Variants in KAT14 observed in about 807,000 individuals in gnomAD.
KAT14 encodes the protein cysteine-rich protein 2-binding protein.
KAT14 carries 66 observed loss-of-function variants against 78.4 expected under a neutral mutation model. The observed-to-expected ratio is 0.84, with a 90% CI of 0.69 to 1.03. KAT14 has a LOEUF of 1.03. Among genes scored for constraint, KAT14 ranks in the 50% least tolerant of loss-of-function variants. KAT14 has a pLI of 0.00. For synonymous variants in KAT14, 344 were observed against 359.4 expected (o/e 0.96, Z 0.48); for missense variants, 870 against 972.5 (o/e 0.89, Z 1.40).
At position 18,142,884 on chromosome 20, in the gene KAT14, A is replaced by C. The variant is rs1158486164; in HGVS notation, c.224A>C (p.Tyr75Ser). 2 of 1,614,178 alleles carry C rather than the reference A, an allele frequency of 1.2e-6. No individual in the cohort carries two copies. The highest frequency in any genetic ancestry group is 3.3e-5 in the Admixed American group (2 of 60,018). Residue 75 changes from tyrosine to serine, a missense_variant, in exon 2 of 11, where the codon TAC (tyrosine) becomes TCC (serine). Transcript: ENST00000688188. The part of the protein sequence containing the change: ...DVSWMEEQLS[Y>S]FCDKCQKWIP... ...TCTTGGATGGAGGAGCAGCTGTCCT[A>C]CTTCTGTGACAAGTGCCAAAAATGG...
chr20:18,140,851 CAAAA>C (rs371306768), intron 1 of KAT14, among the ~76,000 whole-genome samples: 1 of 126,554 alleles, frequency 7.9e-6, no homozygotes. Flanking sequence ...TAAAACAAAA[CAAAA>C]AAAACCCTAT....
intron 7 of KAT14, among the ~76,000 whole-genome samples, chr20:18,179,046 G>A (rs760047357): frequency 7.9e-5 from 12 of 152,108 alleles, no homozygotes; most frequent in Non-Finnish European, 1.3e-4. Flanking sequence ...ATTCCAGCAG[G>A]GCAAATTCTA....
intron 10 of KAT14, among the ~76,000 whole-genome samples, chr20:18,186,251 C>T (rs2039448335): frequency 6.6e-6 from 1 of 152,160 alleles, no homozygotes; most frequent in African/African-American, 2.4e-5. Flanking sequence ...GACCATACCC[C>T]TGAGGGCCCA....
rs778165809 is a variant in KAT14, at chr20:18,142,902, A to G, written c.242A>G (p.Gln81Arg). 2 of 1,613,950 alleles carry G rather than the reference A, an allele frequency of 1.2e-6. No individual in the cohort carries two copies. The highest frequency in any genetic ancestry group is 2.2e-5 in the South Asian group (2 of 91,070). The change falls in exon 2 of 11, where the codon CAA becomes CGA. Residue 81 changes from glutamine (Q) to arginine (R), a missense_variant. Coordinates refer to ENST00000688188, the MANE Select transcript of KAT14 (RefSeq NM_001392073.1). Reference sequence around the variant, plus strand: ...CTGTCCTACTTCTGTGACAAGTGCCAAAAATGGATACCAGCCAGTAAGGAG... The same window carrying G: ...CTGTCCTACTTCTGTGACAAGTGCCGAAAATGGATACCAGCCAGTAAGGAG... ...EQLSYFCDKC[Q>R]KWIPASQLRE... is the part of the protein sequence containing the mutation.
intron 7 of KAT14, among the ~76,000 whole-genome samples, chr20:18,166,368 A>C (rs1027720115): frequency 6.6e-6 from 1 of 152,192 alleles, no homozygotes; most frequent in Admixed American, 6.5e-5. Flanking sequence ...AGTTGCTTAC[A>C]AAAGGTTTAA....
chr20:18,173,360 T>C (rs944012049), intron 7 of KAT14, among the ~76,000 whole-genome samples: 13 of 152,214 alleles, frequency 8.5e-5, no homozygotes, highest in African/African-American at 3.1e-4. Flanking sequence ...TCTCTTTCTC[T>C]CCAAATTTGA....
intron 7 of KAT14, among the ~76,000 whole-genome samples, chr20:18,172,588 A>C (rs964407619): frequency 5.9e-5 from 9 of 152,064 alleles, no homozygotes; most frequent in African/African-American, 2.2e-4. Flanking sequence ...TTTTATATGC[A>C]CTGGGACACC....
chr20:18,161,817 TAGC>T lies in KAT14; in HGVS notation c.683-2_683del. On this transcript the variant is annotated splice_polypyrimidine_tract_variant and splice_region_variant and intron_variant, in intron 5 of 10. Transcript: ENST00000688188. ...TACTCAGCCTGTATTTATTCTTTCTTAGCAGCCTCAAAACCAACTTTAGATCCC... is the reference window on the plus strand; with the variant it reads ...TACTCAGCCTGTATTTATTCTTTCTTAGCCTCAAAACCAACTTTAGATCCC... 2 of 1,610,122 alleles carry T rather than the reference TAGC, an allele frequency of 1.2e-6. No homozygotes were observed. The highest frequency in any genetic ancestry group is 1.7e-6 in the Non-Finnish European group (2 of 1,178,558).
In KAT14 at chr20:18,162,165, A is replaced by G; in HGVS notation, c.1025A>G (p.His342Arg). The G allele has an allele frequency of 1.2e-6, 2 of 1,614,154 alleles. No individual in the cohort carries two copies. Among genetic ancestry groups the G allele is most frequent in the Non-Finnish European group, 1.7e-6 (2 of 1,180,034 alleles). ...DFSAPGTPAS[H>R]SATPSLLSEA... is the part of the protein sequence containing the mutation. The stretch of plus-strand genomic sequence containing the variant: ...TCTGCCCCTGGTACACCTGCCTCTC[A>G]TTCTGCCACACCTAGCTTGCTTTCA... The change falls in exon 6 of 11, where the codon CAT becomes CGT. Residue 342 changes from histidine to arginine, a missense_variant. Transcript: ENST00000688188.
intron 7 of KAT14, among the ~76,000 whole-genome samples, chr20:18,173,594 A>G (rs1192364291): frequency 3.4e-5 from 5 of 147,330 alleles, no homozygotes; most frequent in Non-Finnish European, 7.5e-5. Context: ...CCTCTTCTGC[A>G]CTCTGAATAT....
intron 3 of KAT14, among the ~76,000 whole-genome samples, chr20:18,148,472 T>G (rs2037907432): frequency 6.6e-6 from 1 of 152,208 alleles, no homozygotes; most frequent in Non-Finnish European, 1.5e-5. Context: ...ATTTTTCTAG[T>G]GTTCTTCAGC....
intron 9 of KAT14, 99 bp from the exon 10 acceptor site, chr20:18,184,503 T>TA (rs34521349): frequency 5.7e-6 from 6 of 1,060,454 alleles, no homozygotes; most frequent in Admixed American, 3.1e-5. Flanking sequence ...TTTTTTTTTT[T>TA]AGCATGCAGG....
At chr20:18,175,893 G>A (rs1396212239) in intron 7 of KAT14, among the ~76,000 whole-genome samples, 1 of 151,386 alleles carries the variant, frequency 6.6e-6, no homozygotes, top group African/African-American at 2.4e-5. Context: ...GTGGTGACAT[G>A]TGCTACTTAG....
Position 18,187,656 on chromosome 20 carries a change from C to A in KAT14, c.*197C>A. On this transcript the variant is annotated 3_prime_UTR_variant, in exon 11 of 11. Transcript: ENST00000688188. ...CCCTTTAGCAAAATCGCCCTCCAGT[C>A]CTTCCTGGAGATGCCTTCAGCCAGC... The A allele has an allele frequency of 2.7e-6, 2 of 740,478 alleles. No homozygotes were observed. Among genetic ancestry groups the A allele is most frequent in the Non-Finnish European group, 4.1e-6 (2 of 486,854 alleles). The allele number at this position is 740,478 out of a possible 1,614,324, so 45.9% of individuals were successfully genotyped here.
At chr20:18,170,874 C>A (rs1455785129) in intron 7 of KAT14, among the ~76,000 whole-genome samples, 7 of 152,176 alleles carry the variant, frequency 4.6e-5, no homozygotes, top group Non-Finnish European at 2.9e-5. Flanking sequence ...TGCTCATTGA[C>A]AATGTACCTG....
chr20:18,165,755 G>A (rs572071352), intron 7 of KAT14, among the ~76,000 whole-genome samples: 171 of 152,290 alleles, frequency 1.1e-3, no homozygotes, highest in Non-Finnish European at 1.2e-3. Flanking sequence ...CATCAGCCAG[G>A]GCTGTGATGT....
At position 18,142,811 on chromosome 20, in the gene KAT14, T is replaced by C. The variant is rs773504576; in HGVS notation, c.151T>C (p.Ser51Pro). ...CGAGGATCAGGCATCAGTGGACTTA[T>C]CGCACGACCAGAGTGGGGATTCCCT... ...ESEDQASVDL[S>P]HDQSGDSLNS... is the part of the protein sequence containing the mutation. The change falls in exon 2 of 11, where the codon TCG becomes CCG. Residue 51 changes from serine to proline, a missense_variant. Physicochemically the swap from Ser to Pro is moderately conservative, Grantham distance 74. Transcript: ENST00000688188. 8.1e-6 allele frequency: 13 copies of C among 1,614,030 alleles called. No homozygotes were observed. Among genetic ancestry groups the C allele is most frequent in the South Asian group, 7.7e-5 (7 of 91,084 alleles).
In KAT14 at chr20:18,142,325, A is replaced by T; in HGVS notation, c.-336A>T. The T allele has an allele frequency of 6.5e-7, 1 of 1,536,898 alleles. No homozygotes were observed. The highest frequency in any genetic ancestry group is 1.4e-5 in the African/African-American group (1 of 73,164). ...GCAACTTGAAGCAGAAAGAGAGAAG[A>T]TGTTATTGGCAAAAGGATCTCAAAA... On this transcript the variant is annotated 5_prime_UTR_variant, in exon 2 of 11. It removes an upstream start codon present in the reference 5' UTR. Coordinates refer to ENST00000688188, the MANE Select transcript of KAT14 (RefSeq NM_001392073.1).
At chr20:18,147,653 C>T (rs933659918) in intron 3 of KAT14, among the ~76,000 whole-genome samples, 14 of 152,286 alleles carry the variant, frequency 9.2e-5, no homozygotes, top group African/African-American at 3.4e-4. Context: ...GGCACAATCT[C>T]GGCTCACTGC....
Sources: allele counts gnomAD v4.1 joint callset (sites outside exome capture counted in the v4.1 genomes callset), GRCh38; gene constraint gnomAD v4.1.1; transcripts MANE v1.5; gene names NCBI Gene and HGNC (gene_info 2026-07-23, HGNC 2026-07-21).